FGF13: variants seen among roughly 807,000 people sequenced by gnomAD.
The protein encoded by FGF13 is fibroblast growth factor 13, also known as fibroblast growth factor homologous factor 2.
FGF13 carries 2 observed loss-of-function variants against 19.5 expected under a neutral mutation model. The observed-to-expected ratio is 0.10, with a 90% CI of 0.04 to 0.32. The LOEUF (loss-of-function observed/expected upper bound fraction) is 0.32, where lower values mean the gene tolerates loss of function less well. FGF13 is among the 10% of genes least tolerant of loss of function. The pLI is 1.00. For missense variants in FGF13, 113 were observed against 192.7 expected, an observed-to-expected ratio of 0.59 and a Z score of 2.45; for synonymous variants, 72 against 76.9, an observed-to-expected ratio of 0.94 and a Z score of 0.33.
intron 3 of FGF13, among the ~76,000 whole-genome samples, chrX:138,789,958 T>C (rs1305372782): frequency 2.3e-5 from 2 of 87,801 alleles, no homozygotes; most frequent in Non-Finnish European, 4.3e-5. Flanking sequence ...GGCAGAAGAA[T>C]GGCGTGAACC....
intron 3 of FGF13, among the ~76,000 whole-genome samples, chrX:138,691,286 T>C (rs1234283087): frequency 8.9e-6 from 1 of 111,856 alleles, no homozygotes; most frequent in Non-Finnish European, 1.9e-5. Flanking sequence ...AGCCCGGGAA[T>C]ACTTTAAATA....
rs1473835291 is a variant in FGF13, at chrX:138,616,871, C to T, written c.*15979G>A. On this transcript the variant is annotated 3_prime_UTR_variant, in exon 5 of 5. Transcript: ENST00000315930. ...GGGATTGCACTCTCTGAAACAATGG[C>T]CTGAGCTGTATGTTGGCCCCTTTTA... is the stretch of plus-strand genomic sequence containing the variant. 1 of 112,035 alleles carries T rather than the reference C, an allele frequency of 8.9e-6. No individual in the cohort carries two copies. Among genetic ancestry groups the T allele is most frequent in the Non-Finnish European group, 1.9e-5 (1 of 53,262 alleles). The allele number at this position is 112,035 out of a possible 1,213,427, so 9.2% of individuals were successfully genotyped here.
intron 1 of FGF13, among the ~76,000 whole-genome samples, chrX:138,867,697 C>T (rs1053469519): frequency 9.0e-6 from 1 of 111,424 alleles, no homozygotes; most frequent in Non-Finnish European, 1.9e-5. Flanking sequence ...CACCGGGTCT[C>T]TCCCACAATA....
intron 1 of FGF13, among the ~76,000 whole-genome samples, chrX:138,884,421 C>T (rs1484845982): frequency 8.9e-6 from 1 of 112,274 alleles, no homozygotes; most frequent in Non-Finnish European, 1.9e-5. Flanking sequence ...AAAGTTCATA[C>T]TTATAAGCAG....
At chrX:139,148,361 C>T (rs143117062) in intron 1 of FGF13, among the ~76,000 whole-genome samples, 136 of 111,332 alleles carry the variant, frequency 1.2e-3, no homozygotes, top group African/African-American at 4.2e-3. Flanking sequence ...GGAATTGCTT[C>T]CTTACACTTA....
chrX:138,855,962 C>A (rs2091254633), downstream of FGF13, among the ~76,000 whole-genome samples: 1 of 101,313 alleles, frequency 9.9e-6, no homozygotes, highest in Non-Finnish European at 2.0e-5. Context: ...AGTACAAAAA[C>A]TGTGTGTGTG....
At chrX:139,143,489 T>A (rs1309048570) in intron 1 of FGF13, among the ~76,000 whole-genome samples, 1 of 112,441 alleles carries the variant, frequency 8.9e-6, no homozygotes, top group East Asian at 2.8e-4. Flanking sequence ...TTTATCCGAA[T>A]GGACATTATT....
At chrX:138,701,272 A>G (rs1337450969) in intron 3 of FGF13, among the ~76,000 whole-genome samples, 2 of 111,852 alleles carry the variant, frequency 1.8e-5, no homozygotes, top group Non-Finnish European at 3.8e-5. Context: ...TTTCCTTATC[A>G]TGCCTTCACA....
At chrX:138,928,199 C>T (rs780501226) in intron 1 of FGF13, among the ~76,000 whole-genome samples, 65 of 110,714 alleles carry the variant, frequency 5.9e-4, no homozygotes, top group Non-Finnish European at 9.1e-4. Flanking sequence ...TTTAGGGTTA[C>T]ATGTACTTTG....
chrX:139,129,146 T>TACAC (rs2083740632), intron 1 of FGF13, among the ~76,000 whole-genome samples: 2 of 83,617 alleles, frequency 2.4e-5, no homozygotes, highest in Admixed American at 1.2e-4. Flanking sequence ...TACACATACA[T>TACAC]ACACACATAC....
At chrX:138,973,614 A>G (rs1479862419) in intron 1 of FGF13, among the ~76,000 whole-genome samples, 1 of 111,747 alleles carries the variant, frequency 8.9e-6, no homozygotes, top group Non-Finnish European at 1.9e-5. Context: ...TTACTATTAT[A>G]TTGCAGTCTA....
intron 1 of FGF13, among the ~76,000 whole-genome samples, chrX:138,957,038 C>T (rs1277737361): frequency 9.0e-6 from 1 of 111,200 alleles, no homozygotes; most frequent in Non-Finnish European, 1.9e-5. Flanking sequence ...ATTCAGTACA[C>T]GTTAGGACAT....
intron 1 of FGF13, among the ~76,000 whole-genome samples, chrX:139,064,287 T>G (rs1178438805): frequency 2.4e-5 from 1 of 42,120 alleles, no homozygotes; most frequent in East Asian, 7.0e-4. Context: ...TTTTCTTTTT[T>G]TTTTTTTTTT....
rs953071391 is a variant in FGF13 at position 138,630,398 on chromosome X, A to G, written c.*2452T>C. 1 of 111,188 alleles carries G rather than the reference A, an allele frequency of 9.0e-6. No individual in the cohort carries two copies. Among genetic ancestry groups the G allele is most frequent in the East Asian group, 2.8e-4 (1 of 3,563 alleles). The allele number at this position is 111,188 out of a possible 1,213,427, so 9.2% of individuals were successfully genotyped here. ...CACTACTTTTCCCTACTGATTGAAA[A>G]TTAGTAAGAGTTAATAGGGAGAGGT... On this transcript the variant is annotated 3_prime_UTR_variant, in exon 5 of 5. Transcript: ENST00000315930.
chrX:139,165,856 C>T (rs905528782), intron 1 of FGF13, among the ~76,000 whole-genome samples: 12 of 111,708 alleles, frequency 1.1e-4, no homozygotes, highest in African/African-American at 3.9e-4. Context: ...TATCAAACAG[C>T]CTGGGCCCCT....
At chrX:139,013,694 G>T (rs1603126307) in intron 1 of FGF13, among the ~76,000 whole-genome samples, 1 of 107,172 alleles carries the variant, frequency 9.3e-6, no homozygotes, top group South Asian at 4.2e-4. Flanking sequence ...AGGACGCAAA[G>T]GTATACAAAT....
At chrX:139,134,903 C>T (rs1447258576) in intron 1 of FGF13, among the ~76,000 whole-genome samples, 2 of 110,962 alleles carry the variant, frequency 1.8e-5, no homozygotes, top group Non-Finnish European at 3.8e-5. Flanking sequence ...CCACCTCAGC[C>T]TCCCAAAGTA....
At chrX:139,013,532 A>AT (rs2092140356) in intron 1 of FGF13, among the ~76,000 whole-genome samples, 1 of 84,523 alleles carries the variant, frequency 1.2e-5, no homozygotes, top group Admixed American at 1.5e-4. Flanking sequence ...TATATATATA[A>AT]AATGAAATAC....
chrX:138,953,490 G>A (rs1603063997), intron 1 of FGF13, among the ~76,000 whole-genome samples: 1 of 110,885 alleles, frequency 9.0e-6, no homozygotes, highest in East Asian at 2.9e-4. Context: ...ATGACGAGTT[G>A]ATGGGTGCAG....
Sources: allele counts gnomAD v4.1 joint callset (sites outside exome capture counted in the v4.1 genomes callset), GRCh38; gene constraint gnomAD v4.1.1; transcripts MANE v1.5; gene names NCBI Gene and HGNC (gene_info 2026-07-23, HGNC 2026-07-21).